ARHGAP15: variants seen among roughly 807,000 people sequenced by gnomAD.
ARHGAP15 encodes rho GTPase-activating protein 15.
A neutral mutation model predicts 63.7 loss-of-function variants in ARHGAP15; 51 were observed. The ratio of observed to expected loss-of-function variants is 0.80; its 90% CI spans 0.64 to 1.01. The LOEUF (loss-of-function observed/expected upper bound fraction) is 1.01. Ranked by LOEUF, ARHGAP15 falls within the 50% of genes least tolerant of loss-of-function variation. The pLI is 0.00. For synonymous variants in ARHGAP15, 191 were observed against 193.8 expected (o/e 0.99, Z 0.12); for missense variants, 560 against 564.6 (o/e 0.99, Z 0.08).
At chr2:143,453,445 C>T (rs1690499556) in intron 8 of ARHGAP15, among the ~76,000 whole-genome samples, 2 of 151,922 alleles carry the variant, frequency 1.3e-5, no homozygotes, top group African/African-American at 4.8e-5. Context: ...AGTAATGTAA[C>T]GTTTATAGCA....
intron 9 of ARHGAP15, among the ~76,000 whole-genome samples, chr2:143,494,579 G>T (rs1271472043): frequency 6.6e-6 from 1 of 151,966 alleles, no homozygotes; most frequent in Non-Finnish European, 1.5e-5. Context: ...GTTCTCTTCT[G>T]GTCTTTAAAT....
chr2:143,655,447 AAC>A (rs1262298502), intron 12 of ARHGAP15, among the ~76,000 whole-genome samples: 1 of 152,194 alleles, frequency 6.6e-6, no homozygotes, highest in African/African-American at 2.4e-5. Flanking sequence ...ACAGGATTTC[AAC>A]ACATCAATTT....
intron 6 of ARHGAP15, among the ~76,000 whole-genome samples, chr2:143,355,703 A>G (rs1685778916): frequency 1.3e-5 from 2 of 152,158 alleles, no homozygotes; most frequent in African/African-American, 4.8e-5. Flanking sequence ...GTCTTTTGAA[A>G]TATGGAATGA....
At chr2:143,355,972 C>T (rs1341057234) in intron 6 of ARHGAP15, among the ~76,000 whole-genome samples, 1 of 151,920 alleles carries the variant, frequency 6.6e-6, no homozygotes, top group Non-Finnish European at 1.5e-5. Context: ...TGCCATTACG[C>T]TCATTTGTCC....
intron 11 of ARHGAP15, among the ~76,000 whole-genome samples, chr2:143,572,895 C>T (rs1245339543): frequency 1.3e-5 from 2 of 152,046 alleles, no homozygotes; most frequent in African/African-American, 2.4e-5. Context: ...CCATGCAAAG[C>T]ACTTTAAAAG....
chr2:143,213,709 C>T (rs1174555696), intron 3 of ARHGAP15, among the ~76,000 whole-genome samples: 1 of 152,134 alleles, frequency 6.6e-6, no homozygotes, highest in Non-Finnish European at 1.5e-5. Flanking sequence ...TTCTAATGAC[C>T]TGGAAGGCAG....
intron 6 of ARHGAP15, among the ~76,000 whole-genome samples, chr2:143,263,364 C>A (rs1284406240): frequency 1.3e-5 from 2 of 152,146 alleles, no homozygotes; most frequent in Non-Finnish European, 2.9e-5. Flanking sequence ...ACTGTTCCCC[C>A]AAGGATGGAA....
At chr2:143,490,675 C>T (rs189951338) in intron 9 of ARHGAP15, among the ~76,000 whole-genome samples, 80 of 152,198 alleles carry the variant, frequency 5.3e-4, no homozygotes, top group Admixed American at 1.1e-3. Context: ...GGCTGGAGTG[C>T]AGTGGCATGA....
Position 143,710,995 on chromosome 2 carries a change from C to T in ARHGAP15, c.1244+7471C>T, listed in dbSNP as rs370039435. Reference sequence around the variant, plus strand: ...GTGCCTGCTATATTCCAGACCTGAACAAAATCAGGGGTTGGAAAAGTGTGG... The same window carrying T: ...GTGCCTGCTATATTCCAGACCTGAATAAAATCAGGGGTTGGAAAAGTGTGG... On this transcript the variant is annotated intron_variant, in intron 13 of 13. Coordinates refer to ENST00000295095, the MANE Select transcript of ARHGAP15 (RefSeq NM_018460.4). 1.6e-4 allele frequency among the ~76,000 whole-genome samples: 25 copies of T among 152,336 alleles called. 1 individual carries two copies. The highest frequency in any genetic ancestry group is 1.3e-3 in the East Asian group (7 of 5,190).
chr2:143,330,137 AACAAAAAAC>A (rs1684477701), intron 6 of ARHGAP15, among the ~76,000 whole-genome samples: 1 of 132,742 alleles, frequency 7.5e-6, no homozygotes, highest in Admixed American at 7.7e-5. Context: ...AAAAACCAAA[AACAAAAAAC>A]TAAACTAATG....
intron 6 of ARHGAP15, among the ~76,000 whole-genome samples, chr2:143,302,653 G>A (rs1190305413): frequency 6.6e-6 from 1 of 151,878 alleles, no homozygotes; most frequent in Non-Finnish European, 1.5e-5. Flanking sequence ...AATTCTCCCA[G>A]GTAGTGAACT....
chr2:143,757,635 A>G (rs1310322116), intron 13 of ARHGAP15, among the ~76,000 whole-genome samples: 1 of 152,176 alleles, frequency 6.6e-6, no homozygotes, highest in Admixed American at 6.5e-5. Flanking sequence ...CCACAAATCA[A>G]TGGAGAGTGG....
intron 12 of ARHGAP15, among the ~76,000 whole-genome samples, chr2:143,657,679 ATTGTT>A (rs1203519426): frequency 1.3e-5 from 2 of 152,182 alleles, no homozygotes; most frequent in African/African-American, 4.8e-5. Flanking sequence ...TGAGTAAACT[ATTGTT>A]TTGTTCTCTA....
chr2:143,321,776 A>C (rs1382118948), intron 6 of ARHGAP15, among the ~76,000 whole-genome samples: 2 of 152,130 alleles, frequency 1.3e-5, no homozygotes, highest in East Asian at 3.9e-4. Flanking sequence ...AGCTCTCTGC[A>C]CCCTCAATCT....
At chr2:143,308,125 C>G (rs192083195) in intron 6 of ARHGAP15, among the ~76,000 whole-genome samples, 3 of 152,122 alleles carry the variant, frequency 2.0e-5, no homozygotes, top group African/African-American at 7.2e-5. Flanking sequence ...TTTGGTATAG[C>G]TGTGAGGTAG....
chr2:143,732,436 C>A (rs1685576232), intron 13 of ARHGAP15, among the ~76,000 whole-genome samples: 1 of 151,906 alleles, frequency 6.6e-6, no homozygotes, highest in African/African-American at 2.4e-5. Context: ...GCAGTATATT[C>A]TTTGTGGAAG....
intron 1 of ARHGAP15, among the ~76,000 whole-genome samples, chr2:143,139,517 G>A (rs1689277255): frequency 6.6e-6 from 1 of 151,860 alleles, no homozygotes; most frequent in African/African-American, 2.4e-5. Flanking sequence ...GTGATAGTTG[G>A]GTTTGAGTTA....
intron 6 of ARHGAP15, among the ~76,000 whole-genome samples, chr2:143,379,820 G>GGAAACA (rs1323727509): frequency 5.9e-5 from 9 of 151,274 alleles, no homozygotes; most frequent in Admixed American, 5.9e-4. Context: ...AAAAAGTAAA[G>GGAAACA]GAAACAAATA....
At chr2:143,289,875 TAC>T (rs996008442) in intron 6 of ARHGAP15, among the ~76,000 whole-genome samples, 4 of 152,188 alleles carry the variant, frequency 2.6e-5, no homozygotes, top group Non-Finnish European at 4.4e-5. Flanking sequence ...GGTTTTCATA[TAC>T]CACGTGAAAC....
Sources: gnomAD v4.1 joint callset for allele counts (sites outside exome capture counted in the v4.1 genomes callset) on GRCh38, gnomAD v4.1.1 for gene constraint, MANE v1.5 for transcripts, NCBI Gene and HGNC (gene_info 2026-07-23, HGNC 2026-07-21) for gene names.